LRPAP1: variants seen among roughly 807,000 people sequenced by gnomAD.
LRPAP1 encodes the protein alpha-2-macroglobulin receptor-associated protein.
In LRPAP1, 41 loss-of-function variants were observed where a neutral mutation model predicts 39.9. The observed-to-expected ratio is 1.03, with a 90% CI of 0.80 to 1.33. The LOEUF is 1.33. LRPAP1 is among the 40% of genes most tolerant of loss of function. LRPAP1 has a pLI of 0.00. For missense variants in LRPAP1, 565 were observed against 482.3 expected (o/e 1.17, Z -1.61); for synonymous variants, 263 against 212.7 (o/e 1.24, Z -2.06).
At chr4:3,529,696 G>T (rs1730189684) in intron 1 of LRPAP1, among the ~76,000 whole-genome samples, 1 of 152,172 alleles carries the variant, frequency 6.6e-6, no homozygotes, top group African/African-American at 2.4e-5. Flanking sequence ...CCCCTGGCCG[G>T]GTCTCGCCTG....
chr4:3,526,883 T>C (rs1253370269), intron 1 of LRPAP1, among the ~76,000 whole-genome samples: 3 of 152,212 alleles, frequency 2.0e-5, no homozygotes, highest in Non-Finnish European at 4.4e-5. Context: ...ACTCTGTGGC[T>C]GCCCTAGCCA....
intron 7 of LRPAP1, among the ~76,000 whole-genome samples, chr4:3,513,940 G>A (rs1046931269): frequency 2.6e-5 from 4 of 152,242 alleles, no homozygotes; most frequent in South Asian, 4.1e-4. Flanking sequence ...CCAACGGTGC[G>A]GGTGCCTCAG....
rs1447932577 is a variant in LRPAP1 at position 3,503,703 on chromosome 4, G to A, written c.*9271C>T. On this transcript the variant is annotated 3_prime_UTR_variant, in exon 8 of 8. Coordinates refer to ENST00000650182, the MANE Select transcript of LRPAP1 (RefSeq NM_002337.4). ...AATGTGGTTAGTGTGGTACGTTGAG[G>A]GAAACTTATAACCTCACGCGCTTGT... The A allele has an allele frequency of 6.6e-6, 1 of 152,218 alleles. No individual in the cohort carries two copies. The highest frequency in any genetic ancestry group is 1.5e-5 in the Non-Finnish European group (1 of 68,044). 9.4% of individuals were successfully genotyped at this position (152,218 alleles called of 1,614,324 possible). A position where few individuals can be genotyped will look rare whatever the true frequency, so the allele number is the denominator to read the frequency against.
chr4:3,526,514 A>G (rs576869350), intron 1 of LRPAP1, among the ~76,000 whole-genome samples: 1 of 152,338 alleles, frequency 6.6e-6, no homozygotes, highest in East Asian at 1.9e-4. Context: ...AACAGTGAAC[A>G]TCCCCACGAA....
rs1161375883 is a variant in LRPAP1 at position 3,504,421 on chromosome 4, C to G, written c.*8553G>C. ...TTGAGGTCAGGAATTTGAGACCAGC[C>G]TGGCCAACATGGTGAAGTCCTGTCT... On this transcript the variant is annotated 3_prime_UTR_variant, in exon 8 of 8. Coordinates refer to ENST00000650182, the MANE Select transcript of LRPAP1 (RefSeq NM_002337.4). The G allele has an allele frequency of 6.6e-6, 1 of 152,234 alleles. No individual in the cohort carries two copies. The highest frequency in any genetic ancestry group is 1.5e-5 in the Non-Finnish European group (1 of 68,070). The allele number at this position is 152,234 out of a possible 1,614,324, so 9.4% of individuals were successfully genotyped here.
intron 2 of LRPAP1, 44 bp downstream of exon 2, chr4:3,524,863 G>C (rs749284099): frequency 4.4e-6 from 7 of 1,602,890 alleles, no homozygotes; most frequent in Non-Finnish European, 6.0e-6. Flanking sequence ...CAAGCATTTA[G>C]GAAGAGGGAT....
Position 3,518,868 on chromosome 4 carries a change from C to T in LRPAP1, c.592+3G>A, listed in dbSNP as rs1420119989. ...GGCAGGAGGGGGTGGGGGCGGGGGGCACCTTCGGTCCTGCTCAGGGTCTCC... is the reference window on the plus strand; with the variant it reads ...GGCAGGAGGGGGTGGGGGCGGGGGGTACCTTCGGTCCTGCTCAGGGTCTCC... On this transcript the variant is annotated splice_donor_region_variant and intron_variant, in intron 4 of 7. Transcript: ENST00000650182. The T allele has an allele frequency of 7.0e-6, 11 of 1,573,676 alleles. No individual in the cohort carries two copies. In the South Asian group the frequency reaches 1.2e-4, roughly 17 times the overall value.
At chr4:3,525,234 A>G (rs1730045666) in intron 1 of LRPAP1, 183 bp from the exon 2 acceptor site, 1 of 642,020 alleles carries the variant, frequency 1.6e-6, no homozygotes, top group Admixed American at 2.5e-5. Flanking sequence ...CATGGACACC[A>G]GTCTCTAGGC....
chr4:3,518,375 C>CGAGACAGGA (rs1301294847), intron 4 of LRPAP1, among the ~76,000 whole-genome samples, 183 bp from the exon 5 acceptor site: 1 of 152,216 alleles, frequency 6.6e-6, no homozygotes, highest in African/African-American at 2.4e-5. Flanking sequence ...CCTTTCCAGG[C>CGAGACAGGA]GAGACAGGCG....
intron 5 of LRPAP1, among the ~76,000 whole-genome samples, chr4:3,517,337 C>G (rs530152699): frequency 1.3e-5 from 2 of 152,384 alleles, no homozygotes; most frequent in East Asian, 3.9e-4. Flanking sequence ...GAGACCAGCC[C>G]TGCTGTCTTA....
chr4:3,519,339 T>C (rs1729837880), intron 3 of LRPAP1, among the ~76,000 whole-genome samples: 1 of 152,112 alleles, frequency 6.6e-6, no homozygotes, highest in South Asian at 2.1e-4. Context: ...GCCACCTTCC[T>C]AGGGGGACCT....
intron 2 of LRPAP1, 169 bp from the exon 3 acceptor site, chr4:3,520,362 G>A (rs139605841): frequency 1.8e-4 from 123 of 671,258 alleles, no homozygotes; most frequent in African/African-American, 1.8e-3. Flanking sequence ...GAACAAGAAT[G>A]TAAACAAGCG....
At position 3,505,773 on chromosome 4, in the gene LRPAP1, T is replaced by C. The variant is rs1729335905; in HGVS notation, c.*7201A>G. Among the ~76,000 whole-genome samples the C allele has an allele frequency of 6.6e-6, 1 of 152,190 alleles. No individual in the cohort carries two copies. Among genetic ancestry groups the C allele is most frequent in the African/African-American group, 2.4e-5 (1 of 41,456 alleles). ...AGACCGTCTATACCACCACCCTGGA[T>C]TACAACTCGGCAAGATGCTGGGGAG... On this transcript the variant is annotated 3_prime_UTR_variant, in exon 8 of 8. Transcript: ENST00000650182.
intron 2 of LRPAP1, 155 bp from the exon 3 acceptor site, chr4:3,520,348 G>C (rs1478734386): frequency 2.7e-6 from 2 of 732,176 alleles, no homozygotes; most frequent in African/African-American, 1.8e-5. Context: ...TGGAGATCTG[G>C]GGAGAACAAG....
In LRPAP1 at chr4:3,507,299, C is replaced by T. The variant is rs1729383824; in HGVS notation, c.*5675G>A. 6.6e-6 allele frequency: 1 copy of T among 152,176 alleles called. No individual in the cohort carries two copies. The highest frequency in any genetic ancestry group is 6.5e-5 in the Admixed American group (1 of 15,288). 9.4% of individuals were successfully genotyped at this position (152,176 alleles called of 1,614,324 possible). A position where few individuals can be genotyped will look rare whatever the true frequency, so the allele number is the denominator to read the frequency against. On this transcript the variant is annotated 3_prime_UTR_variant, in exon 8 of 8. Coordinates refer to ENST00000650182, the MANE Select transcript of LRPAP1 (RefSeq NM_002337.4). ...AAGTAGGCCCTTCCCAAAGACGCCA[C>T]CCAAATGGCCAAGAGCAGACAAAAA...
At chr4:3,531,247 C>G (rs1009100815) in intron 1 of LRPAP1, among the ~76,000 whole-genome samples, 1 of 152,146 alleles carries the variant, frequency 6.6e-6, no homozygotes, top group Admixed American at 6.5e-5. Context: ...CCCATCCCCA[C>G]GCAGTCTTAT....
At position 3,505,656 on chromosome 4, in the gene LRPAP1, C is replaced by T. The variant is rs140653273; in HGVS notation, c.*7318G>A. ...CCGTCTATACCAGCTACCCCAAGAC[C>T]GTCTATACCAGCTACCCCAAGACCG... On this transcript the variant is annotated 3_prime_UTR_variant, in exon 8 of 8. Transcript: ENST00000650182. Among the ~76,000 whole-genome samples the T allele has an allele frequency of 0.02, 3,092 of 152,302 alleles. 44 individuals are homozygous for T. The highest frequency in any genetic ancestry group is 0.028 in the Non-Finnish European group (1,921 of 68,002).
rs1729465406 is a variant in LRPAP1, at chr4:3,510,137, T to C, written c.*2837A>G. The C allele has an allele frequency of 6.6e-6, 1 of 152,134 alleles. No homozygotes were observed. Among genetic ancestry groups the C allele is most frequent in the Admixed American group, 6.6e-5 (1 of 15,258 alleles). The allele number at this position is 152,134 out of a possible 1,614,324, so 9.4% of individuals were successfully genotyped here. On this transcript the variant is annotated 3_prime_UTR_variant, in exon 8 of 8. Transcript: ENST00000650182. ...ATAAACCCAACTGTAGCCAAGACAGTGTGGCGGCCGGGCACCATGGCTCAC... is the reference window on the plus strand; with the variant it reads ...ATAAACCCAACTGTAGCCAAGACAGCGTGGCGGCCGGGCACCATGGCTCAC...
chr4:3,514,752 C>T lies in LRPAP1; in HGVS notation c.1011G>A (p.Thr337=), dbSNP rs1316108948. 8.8e-6 allele frequency: 14 copies of T among 1,598,572 alleles called. No homozygotes were observed. Among genetic ancestry groups the T allele is most frequent in the Admixed American group, 5.1e-5 (3 of 59,384 alleles). ...CCCCGGTCCTGGAACCCGTGCGCAC[C>T]GTGTAGCCCAGCTCCTTGGTCCGCC... is the stretch of plus-strand genomic sequence containing the variant. ...LEGRTKELGY[T]VKKHLQDLSG... The change falls in exon 7 of 8, where the codon ACG becomes ACA. Residue 337 remains threonine (T), a splice_region_variant and synonymous_variant. Coordinates refer to ENST00000650182, the MANE Select transcript of LRPAP1 (RefSeq NM_002337.4).
Sources: allele counts gnomAD v4.1 joint callset (sites outside exome capture counted in the v4.1 genomes callset), GRCh38; gene constraint gnomAD v4.1.1; transcripts MANE v1.5; gene names NCBI Gene and HGNC (gene_info 2026-07-23, HGNC 2026-07-21).